Variants in CASP8 observed in about 807,000 individuals in gnomAD.
CASP8 encodes the protein caspase-8.
In CASP8, 24 loss-of-function variants were observed where a neutral mutation model predicts 46.3. That is an observed-to-expected ratio of 0.52 (90% confidence interval 0.38 to 0.73). CASP8 has a LOEUF of 0.73. Among genes scored for constraint, CASP8 ranks in the 30% least tolerant of loss-of-function variants. The probability of loss-of-function intolerance (pLI) is 0.00; values close to 1 mark genes in which losing one functional copy is unlikely to be tolerated. For missense variants in CASP8, 460 were observed against 559.0 expected (o/e 0.82, Z 1.79); for synonymous variants, 188 against 200.4 (o/e 0.94, Z 0.52).
chr2:201,286,992 C>T lies in CASP8; in HGVS notation c.*398C>T. 4.4e-6 allele frequency: 1 copy of T among 226,550 alleles called. No homozygotes were observed. The highest frequency in any genetic ancestry group is 5.9e-5 in the South Asian group (1 of 16,828). 14.0% of individuals were successfully genotyped at this position (226,550 alleles called of 1,614,324 possible). On this transcript the variant is annotated 3_prime_UTR_variant, in exon 9 of 9. Transcript: ENST00000673742. ...ATTTTCTACTTTATTAATTGTTTTG[C>T]ACTTTTTTATAAGAGCTAAAGTTAA...
intron 2 of CASP8, among the ~76,000 whole-genome samples, chr2:201,253,023 C>T (rs1268999145): frequency 1.3e-5 from 2 of 151,998 alleles, no homozygotes; most frequent in African/African-American, 4.8e-5. Context: ...CTCGCTCCGT[C>T]CCCCAGGCTG....
intron 2 of CASP8, among the ~76,000 whole-genome samples, chr2:201,234,365 A>G (rs1356037718): frequency 6.6e-6 from 1 of 152,230 alleles, no homozygotes; most frequent in African/African-American, 2.4e-5. Flanking sequence ...GGACCCCACA[A>G]CTGTGGAGGA....
intron 6 of CASP8, 22 bp from the exon 7 acceptor site, chr2:201,276,805 G>C (rs1342178459): frequency 6.2e-7 from 1 of 1,613,834 alleles, no homozygotes; most frequent in Non-Finnish European, 8.5e-7. Flanking sequence ...GTCAGCTCCT[G>C]GGTTGGGTTT....
intron 7 of CASP8, among the ~76,000 whole-genome samples, chr2:201,281,307 T>C (rs1465624527): frequency 6.6e-6 from 1 of 151,970 alleles, no homozygotes; most frequent in African/African-American, 2.4e-5. Flanking sequence ...GAGTGAGACC[T>C]TTTCTAAAAA....
upstream of CASP8, among the ~76,000 whole-genome samples, chr2:201,258,696 C>CT (rs1947168341): frequency 6.6e-6 from 1 of 152,206 alleles, no homozygotes; most frequent in Non-Finnish European, 1.5e-5. Flanking sequence ...GTCCAGAAGA[C>CT]TTTATCAATC....
intron 2 of CASP8, chr2:201,242,510 G>C (rs10193121): frequency 0.47 from 70,897 of 151,832 alleles, 16,885 homozygotes; most frequent in Non-Finnish European, 0.52. Context: ...CTACCTTCAT[G>C]ACCTAATCAC....
intron 2 of CASP8, among the ~76,000 whole-genome samples, chr2:201,251,903 TA>T (rs764555307): frequency 3.9e-3 from 543 of 140,750 alleles, no homozygotes; most frequent in Non-Finnish European, 3.9e-3. Context: ...AGACTCCGTC[TA>T]AAAAAAAAAA....
At chr2:201,273,491 A>C (rs1948428316) in intron 5 of CASP8, among the ~76,000 whole-genome samples, 1 of 151,982 alleles carries the variant, frequency 6.6e-6, no homozygotes, top group Non-Finnish European at 1.5e-5. Flanking sequence ...TGCTCATGTT[A>C]TGCACTGAGT....
intron 2 of CASP8, among the ~76,000 whole-genome samples, chr2:201,268,737 T>A (rs1325357673): frequency 1.3e-5 from 2 of 152,300 alleles, no homozygotes; most frequent in East Asian, 3.9e-4. Flanking sequence ...AATAATCTTT[T>A]TCATGCCTTT....
intron 2 of CASP8, among the ~76,000 whole-genome samples, chr2:201,235,666 A>C (rs1393463394): frequency 6.6e-6 from 1 of 152,204 alleles, no homozygotes; most frequent in African/African-American, 2.4e-5. Context: ...TTGATATACA[A>C]CAAATGGCAT....
intron 7 of CASP8, among the ~76,000 whole-genome samples, chr2:201,283,597 G>C (rs1420615869): frequency 1.2e-4 from 11 of 91,056 alleles, no homozygotes; most frequent in African/African-American, 3.0e-4. Context: ...CTCCCGGACG[G>C]GGCGGCTGGC....
chr2:201,239,287 C>T (rs1209810504), intron 2 of CASP8, among the ~76,000 whole-genome samples: 1 of 152,214 alleles, frequency 6.6e-6, no homozygotes. Flanking sequence ...GCTGGGTACA[C>T]CTCCCAGACG....
At position 201,266,631 on chromosome 2, in the gene CASP8, C is replaced by T; in HGVS notation, c.145C>T (p.Gln49Ter). The T allele has an allele frequency of 5.0e-6, 8 of 1,614,096 alleles. No homozygotes were observed. The highest frequency in any genetic ancestry group is 5.9e-6 in the Non-Finnish European group (7 of 1,180,020). ...TGCCTTGATGTTATTCCAGAGACTC[C>T]AGGAAAAGAGAATGTTGGAGGAAAG... ...KDALMLFQRL[Q>*]EKRMLEESNL... Residue 49 changes from glutamine (Q) to a stop codon, truncating the protein, a stop_gained, in exon 2 of 9, where the codon CAG becomes TAG. Coordinates refer to ENST00000673742, the MANE Select transcript of CASP8 (RefSeq NM_001372051.1). LOFTEE classifies it high-confidence loss of function. This position sits in a 1 kb window ranked among gnomAD's most constrained non-coding sequence, Gnocchi z 5.7.
At chr2:201,274,840 A>C (rs1576338989) in intron 5 of CASP8, 49 bp from the exon 6 acceptor site, 1 of 1,360,276 alleles carries the variant, frequency 7.4e-7, no homozygotes, top group Non-Finnish European at 1.1e-6. Context: ...TTACCAGTGT[A>C]CCTTTCCTGC....
chr2:201,267,904 T>C (rs1447538731), intron 2 of CASP8, among the ~76,000 whole-genome samples: 1 of 152,222 alleles, frequency 6.6e-6, no homozygotes, highest in African/African-American at 2.4e-5. Flanking sequence ...ATTTTTTGTT[T>C]TGAGGCTTGA....
chr2:201,282,911 C>T (rs1293959741), intron 7 of CASP8, among the ~76,000 whole-genome samples: 43 of 73,276 alleles, frequency 5.9e-4, no homozygotes, highest in African/African-American at 1.7e-3. Context: ...AGGCGCCCCT[C>T]ACCTCCCGGA....
At chr2:201,255,313 A>G (rs923982096) in intron 2 of CASP8, among the ~76,000 whole-genome samples, 2 of 152,190 alleles carry the variant, frequency 1.3e-5, no homozygotes, top group African/African-American at 4.8e-5. Flanking sequence ...CCTGGCTTCA[A>G]GTGATCCGCC....
intron 6 of CASP8, among the ~76,000 whole-genome samples, chr2:201,276,167 T>A (rs993342412): frequency 6.6e-6 from 1 of 152,082 alleles, no homozygotes; most frequent in Admixed American, 6.5e-5. Flanking sequence ...GGAGAATGAA[T>A]AGGACACAGC....
chr2:201,270,706 G>A (rs10186568), intron 2 of CASP8, among the ~76,000 whole-genome samples: 18,060 of 152,040 alleles, frequency 0.12, 1,804 homozygotes, highest in South Asian at 0.28. Flanking sequence ...ATTTTTAAAT[G>A]TTTTTGGTAG....
Sources: allele counts gnomAD v4.1 joint callset (sites outside exome capture counted in the v4.1 genomes callset), GRCh38; gene constraint gnomAD v4.1.1; non-coding constraint Gnocchi (gnomAD v3.1); transcripts MANE v1.5; gene names NCBI Gene and HGNC (gene_info 2026-07-23, HGNC 2026-07-21).